Variants in XPR1 observed in about 807,000 individuals in gnomAD.
XPR1 encodes xenotropic and polytropic retrovirus receptor 1.
Under a neutral mutation model 87.5 loss-of-function variants are expected in XPR1, and 28 were observed. That is an observed-to-expected ratio of 0.32 (90% CI 0.24 to 0.44). The LOEUF (loss-of-function observed/expected upper bound fraction) is 0.44, where lower values mean the gene tolerates loss of function less well. XPR1 is among the 20% of genes least tolerant of loss of function. The probability of loss-of-function intolerance (pLI) is 1.00; values close to 1 mark genes in which losing one functional copy is unlikely to be tolerated. For missense variants in XPR1, 559 were observed against 862.3 expected (o/e 0.65, Z 4.41); for synonymous variants, 300 against 306.1 (o/e 0.98, Z 0.21).
intron 2 of XPR1, among the ~76,000 whole-genome samples, chr1:180,684,968 A>G (rs1656714430): frequency 6.6e-6 from 1 of 151,990 alleles, no homozygotes; most frequent in African/African-American, 2.4e-5. Flanking sequence ...CTAATTGAAT[A>G]CCCTTTATTT....
intron 11 of XPR1, among the ~76,000 whole-genome samples, chr1:180,844,806 T>G (rs1651624128): frequency 6.6e-6 from 1 of 152,198 alleles, no homozygotes; most frequent in South Asian, 2.1e-4. Context: ...CAGGGGAAAC[T>G]TCACATGGCA....
chr1:180,764,039 C>T (rs1157637940), intron 2 of XPR1, among the ~76,000 whole-genome samples: 4 of 152,086 alleles, frequency 2.6e-5, no homozygotes, highest in Non-Finnish European at 5.9e-5. Flanking sequence ...CTTAATTTTT[C>T]CTGATAAGTA....
chr1:180,704,283 G>C (rs1175647844), intron 2 of XPR1, among the ~76,000 whole-genome samples: 4 of 33,978 alleles, frequency 1.2e-4, no homozygotes, highest in African/African-American at 4.1e-4. Context: ...TATATTATCA[G>C]ATTATCTGTT....
At chr1:180,633,582 A>G (rs1180988166) in intron 1 of XPR1, among the ~76,000 whole-genome samples, 2 of 152,242 alleles carry the variant, frequency 1.3e-5, no homozygotes, top group African/African-American at 4.8e-5. Flanking sequence ...AAATAAATTC[A>G]CTTGCAACCT....
rs199698014 is a variant in XPR1 at position 180,820,123 on chromosome 1, G to GT, written c.764-4622dup. ...ATATTTATTACTTTTTTCCTTTTCT[G>GT]TTTTTTTTAATTGAGGTGAAGTTCA... On this transcript the variant is annotated intron_variant, in intron 7 of 14. Transcript: ENST00000367590. Among the ~76,000 whole-genome samples the GT allele has an allele frequency of 2.0e-3, 296 of 151,202 alleles. 1 individual carries two copies. The highest frequency in any genetic ancestry group is 6.7e-3 in the African/African-American group (276 of 41,196).
chr1:180,747,990 A>C (rs1186551440), intron 2 of XPR1, among the ~76,000 whole-genome samples: 1 of 152,270 alleles, frequency 6.6e-6, no homozygotes, highest in Non-Finnish European at 1.5e-5. Context: ...TTAAACATTT[A>C]CAAACAAGAA....
chr1:180,850,758 G>A (rs775012817), intron 11 of XPR1, among the ~76,000 whole-genome samples: 1 of 152,048 alleles, frequency 6.6e-6, no homozygotes, highest in Non-Finnish European at 1.5e-5. Context: ...TGGAGTTCGA[G>A]ACTAGCTTGG....
At chr1:180,861,192 A>G (rs1476541501) in intron 11 of XPR1, among the ~76,000 whole-genome samples, 1 of 152,166 alleles carries the variant, frequency 6.6e-6, no homozygotes, top group Non-Finnish European at 1.5e-5. Flanking sequence ...GCTTATTATT[A>G]GGAAAATTAA....
At chr1:180,803,135 G>A (rs190693128) in intron 3 of XPR1, among the ~76,000 whole-genome samples, 81 of 152,232 alleles carry the variant, frequency 5.3e-4, no homozygotes, top group East Asian at 4.8e-3. Context: ...ACCATTTTGC[G>A]TTTTCACTCT....
intron 3 of XPR1, among the ~76,000 whole-genome samples, chr1:180,788,594 A>G (rs1649265913): frequency 6.6e-6 from 1 of 152,174 alleles, no homozygotes; most frequent in Non-Finnish European, 1.5e-5. Flanking sequence ...CGCCAGATAT[A>G]CAGCCTAATA....
chr1:180,747,224 A>G (rs1038853062), intron 2 of XPR1, among the ~76,000 whole-genome samples: 5 of 152,232 alleles, frequency 3.3e-5, no homozygotes, highest in African/African-American at 1.2e-4. Flanking sequence ...TTTTTTAAAA[A>G]GAATACTAGT....
In XPR1 at chr1:180,767,002, A is replaced by G. The variant is rs551948573; in HGVS notation, c.122-20751A>G. Among the ~76,000 whole-genome samples, 168 of 152,330 alleles carry G rather than the reference A, an allele frequency of 1.1e-3. 1 individual carries two copies. The highest frequency in any genetic ancestry group is 2.1e-3 in the Non-Finnish European group (141 of 68,004). On this transcript the variant is annotated intron_variant, in intron 2 of 14. Coordinates refer to ENST00000367590, the MANE Select transcript of XPR1 (RefSeq NM_004736.4). ...ATGGTGAAGCTATAAAGACATGCTC[A>G]GCTCAAAAGACAAAAAGTAAATTCT...
At chr1:180,659,441 TC>T (rs1282694381) in intron 1 of XPR1, among the ~76,000 whole-genome samples, 1 of 125,410 alleles carries the variant, frequency 8.0e-6, no homozygotes, top group African/African-American at 3.3e-5. Context: ...CCTTCCTTCT[TC>T]CCTCCTTCTT....
At chr1:180,657,241 G>C (rs1049337806) in intron 1 of XPR1, among the ~76,000 whole-genome samples, 17 of 151,814 alleles carry the variant, frequency 1.1e-4, no homozygotes, top group Non-Finnish European at 2.1e-4. Flanking sequence ...CCATTCTGTG[G>C]GATGTCTCTT....
chr1:180,777,641 T>A (rs934689711), intron 2 of XPR1, among the ~76,000 whole-genome samples: 3 of 152,200 alleles, frequency 2.0e-5, no homozygotes, highest in Admixed American at 6.5e-5. Flanking sequence ...GCCATATGCT[T>A]TATATAATTC....
intron 2 of XPR1, among the ~76,000 whole-genome samples, chr1:180,683,132 C>G (rs577802474): frequency 6.9e-6 from 1 of 145,812 alleles, no homozygotes; most frequent in Non-Finnish European, 1.5e-5. Context: ...CACCCCACAA[C>G]AGTCCCTGGT....
In XPR1 at chr1:180,825,313, A is replaced by G. The variant is rs373407427; in HGVS notation, c.1103A>G (p.Tyr368Cys). 9.9e-6 allele frequency: 16 copies of G among 1,613,608 alleles called. No individual in the cohort carries two copies. Among genetic ancestry groups the G allele is most frequent in the African/African-American group, 4.0e-5 (3 of 74,884 alleles). ...FLINPTKTFY[Y>C]KSRFWLLKLL... is the part of the protein sequence containing the mutation. ...ATCAACCCCACCAAAACTTTCTACT[A>G]TAAATCCCGGTTTTGGCTGCTTAAA... Residue 368 changes from tyrosine to cysteine, a missense_variant, in exon 9 of 15, where the codon TAT (tyrosine) becomes TGT (cysteine). Physicochemically the swap from Tyr to Cys is radical, Grantham distance 194 (BLOSUM62 -2). Coordinates refer to ENST00000367590, the MANE Select transcript of XPR1 (RefSeq NM_004736.4).
At chr1:180,675,670 G>T (rs1197079387) in intron 1 of XPR1, among the ~76,000 whole-genome samples, 1 of 152,068 alleles carries the variant, frequency 6.6e-6, no homozygotes, top group Admixed American at 6.6e-5. Context: ...ATACAAATTC[G>T]GAGTTTTATA....
At chr1:180,724,480 G>T (rs1658271548) in intron 2 of XPR1, among the ~76,000 whole-genome samples, 1 of 152,020 alleles carries the variant, frequency 6.6e-6, no homozygotes, top group African/African-American at 2.4e-5. Context: ...TTTTTAAATG[G>T]AGGAAGTGAC....
Sources: gnomAD v4.1 joint callset for allele counts (sites outside exome capture counted in the v4.1 genomes callset) on GRCh38, gnomAD v4.1.1 for gene constraint, MANE v1.5 for transcripts, NCBI Gene and HGNC (gene_info 2026-07-23, HGNC 2026-07-21) for gene names.